The following WDFY3 variants were observed in gnomAD, a reference collection of about 807,000 sequenced individuals.
The protein encoded by WDFY3 is WD repeat and FYVE domain containing 3, also known as WD repeat and FYVE domain-containing protein 3.
WDFY3 carries 66 observed loss-of-function variants against 409.6 expected under a neutral mutation model. The ratio of observed to expected loss-of-function variants is 0.16; its 90% CI spans 0.13 to 0.20. The LOEUF (loss-of-function observed/expected upper bound fraction) is 0.20. Among genes scored for constraint, WDFY3 ranks in the 10% least tolerant of loss-of-function variants. The pLI is 1.00. For synonymous variants in WDFY3, 1,521 were observed against 1,537.1 expected (o/e 0.99, Z 0.25); for missense variants, 3,031 against 4,298.1 (o/e 0.71, Z 8.24).
At chr4:84,901,167 C>T (rs1766288510) in intron 2 of WDFY3, among the ~76,000 whole-genome samples, 1 of 152,212 alleles carries the variant, frequency 6.6e-6, no homozygotes, top group Admixed American at 6.5e-5. Flanking sequence ...AAGCAGCCTT[C>T]ATGGTCTAAT....
In WDFY3 at chr4:84,743,712, C is replaced by T. The variant is rs769235793; in HGVS notation, c.6061G>A (p.Asp2021Asn). ...AACACAGAATTACCTAATAACACATCAGCTGCAAGCAAATGGTCCATCACG... is the reference window on the plus strand; with the variant it reads ...AACACAGAATTACCTAATAACACATTAGCTGCAAGCAAATGGTCCATCACG... ...DSVMDHLLAA[D>N]VLLGEDASLP... Residue 2021 changes from aspartate to asparagine, a missense_variant, in exon 37 of 68, where the codon GAT becomes AAT. Asp to Asn is a conservative substitution (Grantham distance 23). This residue lies in a region of WDFY3 where 314 missense variants were observed against 397.4 expected (regional missense o/e 0.79). Transcript: ENST00000295888. The T allele has an allele frequency of 9.5e-6, 15 of 1,571,818 alleles. No homozygotes were observed. Among genetic ancestry groups the T allele is most frequent in the Non-Finnish European group, 5.2e-6 (6 of 1,154,954 alleles).
At chr4:84,784,017 C>T (rs907546101) in intron 24 of WDFY3, among the ~76,000 whole-genome samples, 4 of 152,096 alleles carry the variant, frequency 2.6e-5, no homozygotes, top group African/African-American at 9.7e-5. Context: ...GATGAGTTCA[C>T]CTTGCTAAAC....
chr4:84,756,258 G>GC (rs1741431236), intron 33 of WDFY3, among the ~76,000 whole-genome samples: 1 of 152,008 alleles, frequency 6.6e-6, no homozygotes, highest in Non-Finnish European at 1.5e-5. Context: ...TGGTATATAA[G>GC]CCACTCCTTT....
chr4:84,905,289 T>C (rs1766893271), intron 2 of WDFY3, among the ~76,000 whole-genome samples: 1 of 152,210 alleles, frequency 6.6e-6, no homozygotes. Flanking sequence ...TGAGCCAAGA[T>C]CATGCCACTG....
In WDFY3 at chr4:84,757,022, G is replaced by A. The variant is rs757746883; in HGVS notation, c.5328C>T (p.Leu1776=). The stretch of plus-strand genomic sequence containing the variant: ...CTGGCTGCTGCAGAAACAAGGCCAT[G>A]AGGAGAAAATAGAGGGCAGGGACAT... ...HTNVPALYFL[L]MALFLQQPVS... Residue 1776 remains leucine (L), a synonymous_variant, in exon 33 of 68, where the codon CTC becomes CTT. Transcript: ENST00000295888. 3.7e-5 allele frequency: 60 copies of A among 1,613,958 alleles called. No individual in the cohort carries two copies. The highest frequency in any genetic ancestry group is 4.7e-5 in the Non-Finnish European group (56 of 1,179,974).
At chr4:84,739,206 C>A in intron 39 of WDFY3, 87 bp from the exon 40 acceptor site, 1 of 1,309,686 alleles carries the variant, frequency 7.6e-7, no homozygotes, top group Non-Finnish European at 1.1e-6. Context: ...TTTCCATTAC[C>A]AGCAGACACT....
chr4:84,847,292 C>T (rs1251760669), intron 5 of WDFY3, among the ~76,000 whole-genome samples: 1 of 152,026 alleles, frequency 6.6e-6, no homozygotes, highest in Non-Finnish European at 1.5e-5. Context: ...CAGCTGCAAG[C>T]TTCACACACA....
chr4:84,829,552 CTAAGTT>C (rs1290363888), intron 8 of WDFY3, among the ~76,000 whole-genome samples: 1 of 151,974 alleles, frequency 6.6e-6, no homozygotes, highest in Non-Finnish European at 1.5e-5. Context: ...AAACTATCTT[CTAAGTT>C]TAAGAAGAAA....
At chr4:84,883,729 C>A (rs1239781168) in intron 3 of WDFY3, among the ~76,000 whole-genome samples, 2 of 152,078 alleles carry the variant, frequency 1.3e-5, no homozygotes, top group African/African-American at 4.8e-5. Flanking sequence ...AAGGGAAAGA[C>A]TATAAAACTG....
At chr4:84,841,446 T>C (rs1317173533) in intron 5 of WDFY3, among the ~76,000 whole-genome samples, 183 bp from the exon 6 acceptor site, 2 of 152,198 alleles carry the variant, frequency 1.3e-5, no homozygotes, top group Non-Finnish European at 1.5e-5. Context: ...ATATCATTAA[T>C]ACAGAAATGT....
At chr4:84,841,076 T>A (rs1757282000) in intron 6 of WDFY3, 78 bp downstream of exon 6, 1 of 1,139,162 alleles carries the variant, frequency 8.8e-7, no homozygotes, top group Non-Finnish European at 1.3e-6. Context: ...GATATAATGA[T>A]GAATTTAATA....
Position 84,808,312 on chromosome 4 carries a change from ACTTCT to A in WDFY3, c.2429+17_2429+21del, listed in dbSNP as rs771093393. On this transcript the variant is annotated intron_variant, in intron 15 of 67. Coordinates refer to ENST00000295888, the MANE Select transcript of WDFY3 (RefSeq NM_014991.6). ...AGGAACCCCACACAAATAGAGACTG[ACTTCT>A]CTTATATGATCAGTACCTTTTCCTG... is the stretch of plus-strand genomic sequence containing the variant. 4.4e-6 allele frequency: 7 copies of A among 1,589,766 alleles called. No individual in the cohort carries two copies. The highest frequency in any genetic ancestry group is 5.2e-6 in the Non-Finnish European group (6 of 1,159,850).
At chr4:84,713,266 T>G (rs970292374) in intron 50 of WDFY3, 27 bp from the exon 51 acceptor site, 4 of 1,596,654 alleles carry the variant, frequency 2.5e-6, no homozygotes, top group Non-Finnish European at 3.4e-6. Context: ...AGCGTAAAAT[T>G]ACAAGTGAAG....
intron 29 of WDFY3, among the ~76,000 whole-genome samples, chr4:84,773,409 G>C (rs896216200): frequency 1.3e-5 from 2 of 152,086 alleles, no homozygotes; most frequent in African/African-American, 4.8e-5. Flanking sequence ...ACATTATCTG[G>C]ATGGATCCAC....
intron 5 of WDFY3, among the ~76,000 whole-genome samples, chr4:84,848,141 G>T (rs1758375493): frequency 6.6e-6 from 1 of 151,782 alleles, no homozygotes; most frequent in East Asian, 1.9e-4. Flanking sequence ...TGAATAACCA[G>T]ACTGAAAGAG....
intron 58 of WDFY3, among the ~76,000 whole-genome samples, chr4:84,693,965 T>C (rs1472716492): frequency 6.6e-6 from 1 of 151,218 alleles, no homozygotes; most frequent in East Asian, 2.0e-4. Flanking sequence ...GAGACAGGCA[T>C]AGAGTAGTTT....
chr4:84,868,006 T>C (rs1761639058), intron 3 of WDFY3, among the ~76,000 whole-genome samples: 1 of 151,392 alleles, frequency 6.6e-6, no homozygotes, highest in East Asian at 2.0e-4. Flanking sequence ...CTGTCTCTAC[T>C]AAAAATACAA....
In WDFY3 at chr4:84,789,862, C is replaced by A; in HGVS notation, c.3533G>T (p.Cys1178Phe). The A allele has an allele frequency of 6.2e-7, 1 of 1,614,024 alleles. No individual in the cohort carries two copies. The highest frequency in any genetic ancestry group is 8.5e-7 in the Non-Finnish European group (1 of 1,180,004). Residue 1178 changes from cysteine to phenylalanine, a missense_variant, in exon 22 of 68, where the codon TGC becomes TTC. Transcript: ENST00000295888. Reference sequence around the variant, plus strand: ...CTCTCCACATCGAAAGCGAGCACAGCATGGGAGAATTTCATAAAATGAGGA... The same window carrying A: ...CTCTCCACATCGAAAGCGAGCACAGAATGGGAGAATTTCATAAAATGAGGA... ...EESSFYEILP[C>F]CARFRCGELI...
intron 3 of WDFY3, 121 bp from the exon 4 acceptor site, chr4:84,860,743 C>A: frequency 1.1e-6 from 1 of 927,600 alleles, no homozygotes; most frequent in South Asian, 4.2e-5. Context: ...ATATATCTTT[C>A]TACTTCTTTA....
Sources: allele counts gnomAD v4.1 joint callset (sites outside exome capture counted in the v4.1 genomes callset), GRCh38; gene constraint gnomAD v4.1.1; regional missense constraint gnomAD v4.1.1; transcripts MANE v1.5; gene names NCBI Gene and HGNC (gene_info 2026-07-23, HGNC 2026-07-21).